The following AAAS variants were observed in gnomAD, a reference collection of about 807,000 sequenced individuals.
AAAS encodes aladin.
A neutral mutation model predicts 75.6 loss-of-function variants in AAAS; 60 were observed. The ratio of observed to expected loss-of-function variants is 0.79; its 90% CI spans 0.64 to 0.98. AAAS has a LOEUF of 0.98. Among genes scored for constraint, AAAS ranks in the 50% least tolerant of loss-of-function variants. The pLI, the probability that AAAS is intolerant of heterozygous loss-of-function variation, is 0.00. For missense variants in AAAS, 658 were observed against 686.9 expected (o/e 0.96, Z 0.47); for synonymous variants, 271 against 265.0 (o/e 1.02, Z -0.22).
chr12:53,321,415 G>A lies in AAAS; in HGVS notation c.51C>T (p.Thr17=), dbSNP rs1464313628. 4.3e-6 allele frequency: 7 copies of A among 1,614,122 alleles called. No homozygotes were observed. Among genetic ancestry groups the A allele is most frequent in the South Asian group, 2.2e-5 (2 of 91,096 alleles). ...FPPPPPRGQV[T]LYEHNNELVT... Reference sequence around the variant, plus strand: ...CCAGCTCGTTATTGTGCTCATATAGGGTGACTTGACCCCGAGGCGGTGGAG... The same window carrying A: ...CCAGCTCGTTATTGTGCTCATATAGAGTGACTTGACCCCGAGGCGGTGGAG... Residue 17 remains threonine (T), a synonymous_variant, in exon 1 of 16, where the codon ACC becomes ACT. Coordinates refer to ENST00000209873, the MANE Select transcript of AAAS (RefSeq NM_015665.6).
At chr12:53,320,953 T>C in intron 1 of AAAS, 1 of 548,540 alleles carries the variant, frequency 1.8e-6, no homozygotes, top group Non-Finnish European at 3.2e-6. Flanking sequence ...GCCTCTTTCT[T>C]ACATAGCAAA....
chr12:53,319,892 G>A (rs1473445696), intron 2 of AAAS, among the ~76,000 whole-genome samples: 3 of 151,252 alleles, frequency 2.0e-5, no homozygotes, highest in Non-Finnish European at 4.4e-5. Context: ...AGGCCAAGGC[G>A]GGCACATCAT....
rs1017700992 is a variant in AAAS at position 53,314,796 on chromosome 12, G to A, written c.500C>T (p.Ala167Val). 5 of 1,613,926 alleles carry A rather than the reference G, an allele frequency of 3.1e-6. No individual in the cohort carries two copies. The highest frequency in any genetic ancestry group is 4.2e-6 in the Non-Finnish European group (5 of 1,179,980). Residue 167 changes from alanine (A) to valine (V), a missense_variant, in exon 6 of 16, where the codon GCA becomes GTA. By Grantham distance (64) the Ala-to-Val change is moderately conservative (BLOSUM62 0). Coordinates refer to ENST00000209873, the MANE Select transcript of AAAS (RefSeq NM_015665.6). ...GACTGAGTCATCTAGCAGGGCCACT[G>A]CAAACTTGTTGGTGTGGGGGTGCCA... Reference protein sequence around the residue: ...FAWHPHTNKFAVALLDDSVRV... With the variant: ...FAWHPHTNKFVVALLDDSVRV...
intron 7 of AAAS, among the ~76,000 whole-genome samples, chr12:53,311,798 C>T (rs1944392780): frequency 6.6e-6 from 1 of 152,112 alleles, no homozygotes; most frequent in African/African-American, 2.4e-5. Flanking sequence ...CCTGTAGTCC[C>T]AGCTACTTGG....
intron 2 of AAAS, among the ~76,000 whole-genome samples, chr12:53,318,509 A>G (rs1449559457): frequency 6.6e-6 from 1 of 152,110 alleles, no homozygotes; most frequent in Non-Finnish European, 1.5e-5. Context: ...TTCCGCGCCC[A>G]GACTATCACT....
chr12:53,311,491 A>G (rs1426417820), intron 7 of AAAS, among the ~76,000 whole-genome samples: 1 of 152,166 alleles, frequency 6.6e-6, no homozygotes, highest in Non-Finnish European at 1.5e-5. Context: ...GTACGCACCT[A>G]TAGTCCCAGC....
Position 53,321,560 on chromosome 12 carries a change from T to C in AAAS, c.-95A>G, listed in dbSNP as rs1043508815. ...ACTCGGTTCCCGGGCTAGATTCGTA[T>C]GCGGACGGGTACCGCAAGGGACAAA... On this transcript the variant is annotated 5_prime_UTR_variant, in exon 1 of 16. Transcript: ENST00000209873. 6 of 1,599,034 alleles carry C rather than the reference T, an allele frequency of 3.8e-6. No individual in the cohort carries two copies. Among genetic ancestry groups the C allele is most frequent in the Admixed American group, 1.7e-5 (1 of 59,940 alleles).
At chr12:53,316,132 G>A (rs1565782052) in intron 2 of AAAS, among the ~76,000 whole-genome samples, 1 of 152,200 alleles carries the variant, frequency 6.6e-6, no homozygotes, top group Admixed American at 6.6e-5. Context: ...AGAGCAGTCT[G>A]GCTGCAGATT....
chr12:53,307,705 G>T lies in AAAS; in HGVS notation c.1425C>A (p.Ser475=), dbSNP rs1455095714. The change falls in exon 16 of 16, where the codon TCC becomes TCA. Residue 475 remains serine (S), a synonymous_variant. Transcript: ENST00000209873. ...NKGALLSVGW[S]TGRIAHIPLY... is the part of the protein sequence containing the mutation. ...GCGGGATGTGGGCAATTCGGCCTGT[G>T]GACCAGCCCTGCAGAGAAGGGAAAG... 3.7e-6 allele frequency: 6 copies of T among 1,614,094 alleles called. No individual in the cohort carries two copies. The highest frequency in any genetic ancestry group is 5.1e-6 in the Non-Finnish European group (6 of 1,180,046).
intron 7 of AAAS, among the ~76,000 whole-genome samples, chr12:53,311,724 G>T (rs1944391595): frequency 6.6e-6 from 1 of 152,140 alleles, no homozygotes; most frequent in Non-Finnish European, 1.5e-5. Context: ...AGACCAGCCT[G>T]GCCAATATGG....
chr12:53,320,634 A>G lies in AAAS; in HGVS notation c.182T>C (p.Leu61Pro). The change falls in exon 2 of 16, where the codon CTG (leucine) becomes CCG (proline). Residue 61 changes from leucine (L) to proline (P), a missense_variant. Coordinates refer to ENST00000209873, the MANE Select transcript of AAAS (RefSeq NM_015665.6). ...TKDPLKTPGRLDHGTRTAFIH... is the reference protein window; with the variant it reads ...TKDPLKTPGRPDHGTRTAFIH... ...GAAGGCAGTTCTTGTGCCATGGTCC[A>G]GCCTTCCAGGGGTCTTTAGGGGATC... 1 of 1,614,212 alleles carries G rather than the reference A, an allele frequency of 6.2e-7. No individual in the cohort carries two copies. The highest frequency in any genetic ancestry group is 8.5e-7 in the Non-Finnish European group (1 of 1,180,040).
At chr12:53,320,476 T>G in intron 2 of AAAS, 89 bp downstream of exon 2, 2 of 1,584,280 alleles carry the variant, frequency 1.3e-6, no homozygotes, top group Non-Finnish European at 1.7e-6. Context: ...AATAAAAGTC[T>G]TTTGAAGAAC....
chr12:53,315,479 G>A, intron 3 of AAAS, 53 bp from the exon 4 acceptor site: 1 of 1,519,088 alleles, frequency 6.6e-7, no homozygotes, highest in Non-Finnish European at 9.0e-7. Flanking sequence ...CCTCTTACCA[G>A]GTACCTTCTA....
intron 7 of AAAS, 96 bp downstream of exon 7, chr12:53,314,202 G>C: frequency 6.5e-7 from 1 of 1,546,436 alleles, no homozygotes; most frequent in Non-Finnish European, 8.9e-7. Flanking sequence ...AGTGCTGTGA[G>C]GACAAAGAAC....
At position 53,307,600 on chromosome 12, in the gene AAAS, G is replaced by C. The variant is rs554699080; in HGVS notation, c.1530C>G (p.Gly510=). The C allele has an allele frequency of 6.4e-5, 104 of 1,614,178 alleles. No homozygotes were observed. The highest frequency in any genetic ancestry group is 8.6e-5 in the Non-Finnish European group (101 of 1,180,018). Residue 510 remains glycine, a synonymous_variant, in exon 16 of 16, where the codon GGC becomes GGG. Coordinates refer to ENST00000209873, the MANE Select transcript of AAAS (RefSeq NM_015665.6). ...TAAAGAGGGGCAGGTCATGAATAGA[G>C]CCTCCACCCCCAGCAGGGGGTTCCT... ...RAQEPPAGGG[G]SIHDLPLFTE... is the part of the protein sequence containing the mutation.
intron 7 of AAAS, 125 bp downstream of exon 7, chr12:53,314,173 T>G (rs1944430436): frequency 2.2e-6 from 3 of 1,393,078 alleles, no homozygotes; most frequent in Non-Finnish European, 3.1e-6. Context: ...TTACTTCTGC[T>G]TTTCCCATAG....
chr12:53,316,222 T>C (rs1451276377), intron 2 of AAAS, among the ~76,000 whole-genome samples: 6 of 151,666 alleles, frequency 4.0e-5, no homozygotes, highest in Non-Finnish European at 8.8e-5. Flanking sequence ...GAGGCTGAGG[T>C]GGGTGGATCA....
In AAAS at chr12:53,321,358, G is replaced by A; in HGVS notation, c.108C>T (p.Pro36=). The change falls in exon 1 of 16, where the codon CCC becomes CCT. Residue 36 remains proline, a synonymous_variant. Coordinates refer to ENST00000209873, the MANE Select transcript of AAAS (RefSeq NM_015665.6). ...CCCTGGCCACCTGGCCCCGGAAGTC[G>A]GGGGGCGGGCTCTCATAGCTACTGC... is the stretch of plus-strand genomic sequence containing the variant. ...VTGSSYESPP[P]DFRGQWINLP... is the part of the protein sequence containing the mutation. 6.2e-7 allele frequency: 1 copy of A among 1,613,586 alleles called. No homozygotes were observed. Among genetic ancestry groups the A allele is most frequent in the Non-Finnish European group, 8.5e-7 (1 of 1,179,866 alleles).
chr12:53,319,842 C>T (rs1188760996), intron 2 of AAAS, among the ~76,000 whole-genome samples: 2 of 146,270 alleles, frequency 1.4e-5, no homozygotes, highest in African/African-American at 2.5e-5. Flanking sequence ...GAAAATGAGC[C>T]GGGCGCGGTG....
Sources: gnomAD v4.1 joint callset for allele counts (sites outside exome capture counted in the v4.1 genomes callset) on GRCh38, gnomAD v4.1.1 for gene constraint, MANE v1.5 for transcripts, NCBI Gene and HGNC (gene_info 2026-07-23, HGNC 2026-07-21) for gene names.